PCDHA4: variants seen among roughly 807,000 people sequenced by gnomAD.
PCDHA4 encodes the protein protocadherin alpha-4.
A neutral mutation model predicts 61.4 loss-of-function variants in PCDHA4; 49 were observed. That is an observed-to-expected ratio of 0.80 (90% CI 0.63 to 1.01). PCDHA4 has a LOEUF of 1.01. Among genes scored for constraint, PCDHA4 ranks in the 50% least tolerant of loss-of-function variants. The probability of loss-of-function intolerance (pLI) is 0.00; values close to 1 mark genes in which losing one functional copy is unlikely to be tolerated. For synonymous variants in PCDHA4, 590 were observed against 550.3 expected (o/e 1.07, Z -1.01); for missense variants, 1,254 against 1,235.8 (o/e 1.01, Z -0.22).
At chr5:140,985,227 G>A (rs557750656) in intron 3 of PCDHA4, among the ~76,000 whole-genome samples, 5 of 152,206 alleles carry the variant, frequency 3.3e-5, no homozygotes, top group Non-Finnish European at 2.9e-5. Flanking sequence ...GTGAGCCACC[G>A]CGCCTGGCCT....
At chr5:141,002,567 C>T (rs2098086110) in intron 3 of PCDHA4, among the ~76,000 whole-genome samples, 1 of 152,210 alleles carries the variant, frequency 6.6e-6, no homozygotes, top group Admixed American at 6.5e-5. Context: ...CAGTTAGTGA[C>T]CATGTGACCA....
At chr5:140,892,439 T>G (rs2063514217) in intron 1 of PCDHA4, among the ~76,000 whole-genome samples, 1 of 152,206 alleles carries the variant, frequency 6.6e-6, no homozygotes, top group Non-Finnish European at 1.5e-5. Context: ...TTATCTAAAA[T>G]TTACATGTAT....
intron 1 of PCDHA4, chr5:140,969,137 T>A (rs1326685727): frequency 6.2e-7 from 1 of 1,614,036 alleles, no homozygotes. Flanking sequence ...CACCAAGACC[T>A]ACTGCTACAA....
rs555659207 is a variant in PCDHA4, at chr5:140,967,475, C to A, written c.2386-11474C>A. 2.5e-6 allele frequency: 4 copies of A among 1,613,342 alleles called. No homozygotes were observed. In the East Asian group the frequency reaches 8.9e-5, roughly 36 times the overall value. On this transcript the variant is annotated intron_variant, in intron 1 of 3. Coordinates refer to ENST00000530339, the MANE Select transcript of PCDHA4 (RefSeq NM_018907.4). ...AGCCGTGGATGGGGGCATCCCAGCC[C>A]GCTCGGGTACGGCACAGATCTCTGT...
intron 1 of PCDHA4, chr5:140,870,414 G>A (rs374225281): frequency 4.0e-5 from 64 of 1,614,112 alleles, no homozygotes; most frequent in Non-Finnish European, 5.0e-5. Context: ...TGTGGGCCAC[G>A]GCCAGGGTAT....
chr5:140,933,032 G>A (rs1425582468), intron 1 of PCDHA4, among the ~76,000 whole-genome samples: 1 of 152,016 alleles, frequency 6.6e-6, no homozygotes, highest in Non-Finnish European at 1.5e-5. Flanking sequence ...AGAACTTCAA[G>A]TGAATATGGA....
intron 1 of PCDHA4, chr5:140,842,473 G>A (rs2150336971): frequency 3.7e-6 from 6 of 1,613,820 alleles, no homozygotes; most frequent in Non-Finnish European, 3.4e-6. Flanking sequence ...CCAACGGGCA[G>A]GTGACCTGCT....
intron 1 of PCDHA4, among the ~76,000 whole-genome samples, chr5:140,918,975 T>C (rs141194276): frequency 6.6e-6 from 1 of 152,310 alleles, no homozygotes; most frequent in East Asian, 1.9e-4. Flanking sequence ...ATCGTTTAGG[T>C]TAGTTGGTTT....
At chr5:140,825,740 A>G (rs1768694817) in intron 1 of PCDHA4, 1 of 152,450 alleles carries the variant, frequency 6.6e-6, no homozygotes, top group South Asian at 2.1e-4. Flanking sequence ...TATATTGATG[A>G]GGAGTAACTG....
At chr5:140,874,317 A>G (rs1423586280) in intron 1 of PCDHA4, among the ~76,000 whole-genome samples, 2 of 151,836 alleles carry the variant, frequency 1.3e-5, no homozygotes, top group Admixed American at 1.3e-4. Flanking sequence ...GAGTTGTAGG[A>G]TCTTATCTGT....
chr5:140,982,544 A>G lies in PCDHA4; in HGVS notation c.2514A>G (p.Thr838=), dbSNP rs781800144. 1.5e-5 allele frequency: 25 copies of G among 1,614,098 alleles called. No individual in the cohort carries two copies. Among genetic ancestry groups the G allele is most frequent in the Non-Finnish European group, 2.1e-5 (25 of 1,180,048 alleles). Residue 838 remains threonine (T), a synonymous_variant, in exon 3 of 4, where the codon ACA becomes ACG. Coordinates refer to ENST00000530339, the MANE Select transcript of PCDHA4 (RefSeq NM_018907.4). ...GAGGGCCTGATCAGCAGTGGCCAAC[A>G]GTATCCAGTGCAACACCAGGTAAAG... The part of the protein sequence containing the change: ...GPGGPDQQWP[T]VSSATPEPEA...
At chr5:140,828,512 C>A in intron 1 of PCDHA4, 2 of 1,614,238 alleles carry the variant, frequency 1.2e-6, no homozygotes, top group East Asian at 2.2e-5. Flanking sequence ...ACAAAGAGTG[C>A]TGATTTACGA....
chr5:140,908,405 C>T (rs2073952752), intron 1 of PCDHA4, among the ~76,000 whole-genome samples: 1 of 152,150 alleles, frequency 6.6e-6, no homozygotes, highest in Non-Finnish European at 1.5e-5. Flanking sequence ...ATACCACTTC[C>T]ATTTGATGAT....
At chr5:140,887,494 CT>C (rs1439502451) in intron 1 of PCDHA4, among the ~76,000 whole-genome samples, 1 of 152,128 alleles carries the variant, frequency 6.6e-6, no homozygotes, top group Non-Finnish European at 1.5e-5. Flanking sequence ...TGCATAGTTT[CT>C]AATAAGATGT....
At chr5:140,857,430 T>A in intron 1 of PCDHA4, 2 of 1,598,338 alleles carry the variant, frequency 1.3e-6, no homozygotes, top group African/African-American at 2.7e-5. Context: ...GAGTACACGG[T>A]GTTCGTGAAG....
chr5:140,938,957 C>T (rs1435245997), intron 1 of PCDHA4, among the ~76,000 whole-genome samples: 2 of 152,040 alleles, frequency 1.3e-5, no homozygotes, highest in African/African-American at 2.4e-5. Context: ...ATGCTCTAGT[C>T]GGAGTTTGGC....
chr5:140,870,155 T>C (rs1554163855), intron 1 of PCDHA4: 4 of 1,614,014 alleles, frequency 2.5e-6, no homozygotes, highest in Non-Finnish European at 3.4e-6. Flanking sequence ...GAAGTCGCCG[T>C]GACTTCCTTG....
rs148598290 is a variant in PCDHA4, at chr5:140,857,464, C to G, written c.2385+47892C>G. 181 of 1,598,526 alleles carry G rather than the reference C, an allele frequency of 1.1e-4. 14 individuals carry two copies. Among genetic ancestry groups the G allele is most frequent in the Non-Finnish European group, 1.1e-4 (129 of 1,167,932 alleles). On this transcript the variant is annotated intron_variant, in intron 1 of 3. Transcript: ENST00000530339. ...AGGAGAACAACCCGCCAGGCTGCCA[C>G]ATCTTCACGGTGTCTGCGTGGGACG...
At chr5:140,937,769 G>C (rs908179495) in intron 1 of PCDHA4, among the ~76,000 whole-genome samples, 1 of 151,776 alleles carries the variant, frequency 6.6e-6, no homozygotes, top group Non-Finnish European at 1.5e-5. Context: ...AAAATTAGTC[G>C]GGCGTGGTGG....
Sources: gnomAD v4.1 joint callset for allele counts (sites outside exome capture counted in the v4.1 genomes callset) on GRCh38, gnomAD v4.1.1 for gene constraint, MANE v1.5 for transcripts, NCBI Gene and HGNC (gene_info 2026-07-23, HGNC 2026-07-21) for gene names.